The following MYO1D variants were observed in gnomAD, a reference collection of about 807,000 sequenced individuals.
MYO1D encodes the protein unconventional myosin-Id.
In MYO1D, 83 loss-of-function variants were observed where a neutral mutation model predicts 122.0. The observed-to-expected ratio is 0.68, with a 90% CI of 0.57 to 0.82. The LOEUF (loss-of-function observed/expected upper bound fraction) is 0.82, where lower values mean the gene tolerates loss of function less well. MYO1D is among the 40% of genes least tolerant of loss of function. The probability of loss-of-function intolerance (pLI) is 0.00; values close to 1 mark genes in which losing one functional copy is unlikely to be tolerated. For synonymous variants in MYO1D, 464 were observed against 446.9 expected (o/e 1.04, Z -0.48); for missense variants, 1,157 against 1,269.5 (o/e 0.91, Z 1.35).
In MYO1D at chr17:32,761,668, A is replaced by G. The variant is rs2090003393; in HGVS notation, c.1036-1041T>C. On this transcript the variant is annotated intron_variant, in intron 8 of 21. Transcript: ENST00000318217. ...CAAATATAATATGACTCCCAAAAGT[A>G]TTATCCAAATCCAGACTCAGAGAAC... is the stretch of plus-strand genomic sequence containing the variant. Among the ~76,000 whole-genome samples the G allele has an allele frequency of 2.6e-5, 4 of 152,110 alleles. No homozygotes were observed. The South Asian group carries it at 8.3e-4, about 32-fold the overall frequency.
Position 32,597,868 on chromosome 17 carries a change from CAAA to C in MYO1D, c.2864+7216_2864+7218del, listed in dbSNP as rs755415435. On this transcript the variant is annotated intron_variant, in intron 21 of 21. Transcript: ENST00000318217. Reference sequence around the variant, plus strand: ...TGGGTGACAGAGCAAAACCCTGTCTCAAAAAAAAAAAAAAAAAAAAAAAAGAAA... The same window carrying C: ...TGGGTGACAGAGCAAAACCCTGTCTCAAAAAAAAAAAAAAAAAAAAAGAAA... Among the ~76,000 whole-genome samples the C allele has an allele frequency of 9.6e-4, 60 of 62,712 alleles. 1 individual carries two copies. The highest frequency in any genetic ancestry group is 3.3e-3 in the African/African-American group (56 of 17,006). The allele number at this position is 62,712 out of a possible 152,430, so 41.1% of individuals were successfully genotyped here. A position where few individuals can be genotyped will look rare whatever the true frequency, so the allele number is the denominator to read the frequency against.
At chr17:32,678,964 G>A (rs1466319391) in intron 16 of MYO1D, among the ~76,000 whole-genome samples, 15 of 149,338 alleles carry the variant, frequency 1.0e-4, no homozygotes, top group East Asian at 3.9e-4. Context: ...ACTGGTGTGA[G>A]ATGGCATCTC....
chr17:32,681,065 G>A (rs966830815), intron 16 of MYO1D, among the ~76,000 whole-genome samples: 1 of 152,060 alleles, frequency 6.6e-6, no homozygotes, highest in Non-Finnish European at 1.5e-5. Context: ...TTCTCTGATG[G>A]TAGTTTGCAT....
At chr17:32,638,940 A>G in intron 19 of MYO1D, 105 bp from the exon 20 acceptor site, 1 of 727,018 alleles carries the variant, frequency 1.4e-6, no homozygotes, top group South Asian at 1.6e-5. Flanking sequence ...ATGTATGGCC[A>G]CTCTACTGGA....
intron 21 of MYO1D, among the ~76,000 whole-genome samples, chr17:32,501,850 A>G (rs930456696): frequency 6.6e-6 from 1 of 152,210 alleles, no homozygotes; most frequent in Non-Finnish European, 1.5e-5. Flanking sequence ...GAACCCAAAG[A>G]GGAGGTCCTG....
intron 21 of MYO1D, among the ~76,000 whole-genome samples, chr17:32,527,984 G>A (rs1220765646): frequency 2.6e-5 from 4 of 152,004 alleles, no homozygotes; most frequent in East Asian, 1.9e-4. Flanking sequence ...AATTACAGGC[G>A]CCCGCCACCA....
intron 1 of MYO1D, among the ~76,000 whole-genome samples, chr17:32,788,565 T>C (rs970598425): frequency 4.6e-5 from 7 of 152,204 alleles, no homozygotes; most frequent in African/African-American, 1.7e-4. Context: ...CAGTTGGCTG[T>C]ACTCGACTTT....
intron 16 of MYO1D, among the ~76,000 whole-genome samples, chr17:32,708,140 G>A (rs1274648844): frequency 6.6e-6 from 1 of 152,194 alleles, no homozygotes; most frequent in Non-Finnish European, 1.5e-5. Context: ...CATAGGGGGT[G>A]AGAAGAAATG....
chr17:32,805,165 G>A lies in MYO1D; in HGVS notation c.96-24381C>T, dbSNP rs538484734. ...ACAGCAAAAAGGCACCAGCTATGACGAATGGATCCCAACAGACACCAAATC... is the reference window on the plus strand; with the variant it reads ...ACAGCAAAAAGGCACCAGCTATGACAAATGGATCCCAACAGACACCAAATC... On this transcript the variant is annotated intron_variant, in intron 1 of 21. Coordinates refer to ENST00000318217, the MANE Select transcript of MYO1D (RefSeq NM_015194.3). Among the ~76,000 whole-genome samples the A allele has an allele frequency of 4.6e-5, 7 of 152,208 alleles. No homozygotes were observed. The East Asian group carries it at 5.8e-4, about 13-fold the overall frequency.
At chr17:32,636,094 TG>T (rs934338543) in intron 20 of MYO1D, among the ~76,000 whole-genome samples, 1 of 152,212 alleles carries the variant, frequency 6.6e-6, no homozygotes, top group African/African-American at 2.4e-5. Context: ...TGGATGTTTT[TG>T]AATAATCCAC....
intron 20 of MYO1D, among the ~76,000 whole-genome samples, chr17:32,606,845 G>A (rs1417667546): frequency 2.0e-5 from 3 of 152,314 alleles, no homozygotes; most frequent in South Asian, 2.1e-4. Flanking sequence ...GCCCTAGCCA[G>A]TGCAGTAAGG....
chr17:32,613,711 T>C (rs747386827), intron 20 of MYO1D, among the ~76,000 whole-genome samples: 1 of 140,038 alleles, frequency 7.1e-6, no homozygotes, highest in Non-Finnish European at 1.5e-5. Flanking sequence ...AAGGCAGAGA[T>C]TGCAGTGAGC....
At chr17:32,543,879 G>A (rs1483026952) in intron 21 of MYO1D, among the ~76,000 whole-genome samples, 4 of 151,910 alleles carry the variant, frequency 2.6e-5, no homozygotes, top group South Asian at 2.1e-4. Flanking sequence ...TGCAACCTCC[G>A]CCTCCCAGGC....
chr17:32,728,750 T>C (rs11080187), intron 14 of MYO1D, among the ~76,000 whole-genome samples: 3,860 of 152,266 alleles, frequency 0.025, 132 homozygotes, highest in East Asian at 0.19. Flanking sequence ...GAATAATGTA[T>C]AAAATCATGT....
intron 21 of MYO1D, among the ~76,000 whole-genome samples, chr17:32,553,621 CTT>C (rs892715436): frequency 6.6e-6 from 1 of 152,172 alleles, no homozygotes; most frequent in Non-Finnish European, 1.5e-5. Context: ...CCTTGAAACT[CTT>C]TTTCTCTCGG....
intron 1 of MYO1D, among the ~76,000 whole-genome samples, chr17:32,797,470 G>A (rs374682684): frequency 5.3e-5 from 8 of 152,192 alleles, no homozygotes; most frequent in African/African-American, 1.7e-4. Context: ...AGTTATCTTC[G>A]GTCAACCATG....
In MYO1D at chr17:32,494,830, G is replaced by A. The variant is rs1054325489; in HGVS notation, c.2950C>T (p.Arg984Trp). Residue 984 changes from arginine to tryptophan, a missense_variant, in exon 22 of 22, where the codon CGG becomes TGG. Coordinates refer to ENST00000318217, the MANE Select transcript of MYO1D (RefSeq NM_015194.3). ...AAGTCGGGCTGGGGCTGGTTGAGCC[G>A]CGTCTCCACGGAGACGGTGCACTTC... is the stretch of plus-strand genomic sequence containing the variant. The part of the protein sequence containing the change: ...GKKCTVSVET[R>W]LNQPQPDFTK... 2.2e-4 allele frequency: 347 copies of A among 1,613,790 alleles called. No individual in the cohort carries two copies. Among genetic ancestry groups the A allele is most frequent in the Non-Finnish European group, 2.6e-4 (310 of 1,179,912 alleles).
At chr17:32,706,865 T>C (rs1241853466) in intron 16 of MYO1D, among the ~76,000 whole-genome samples, 1 of 152,016 alleles carries the variant, frequency 6.6e-6, no homozygotes, top group East Asian at 1.9e-4. Context: ...CCTGGCTAAT[T>C]TTTTGTATTT....
chr17:32,605,126 A>G lies in MYO1D; in HGVS notation c.2825T>C (p.Ile942Thr). The G allele has an allele frequency of 6.2e-7, 1 of 1,605,198 alleles. No individual in the cohort carries two copies. Among genetic ancestry groups the G allele is most frequent in the Non-Finnish European group, 8.5e-7 (1 of 1,173,290 alleles). Residue 942 changes from isoleucine to threonine, a missense_variant, in exon 21 of 22, where the codon ATT (isoleucine) becomes ACT (threonine). Physicochemically the swap from Ile to Thr is moderately conservative, Grantham distance 89. Transcript: ENST00000318217. Reference sequence around the variant, plus strand: ...CACCAGCACTCCAACAAGTTCTCCAATTCGACTCTCATGGGTTGGCTGTTT... The same window carrying G: ...CACCAGCACTCCAACAAGTTCTCCAGTTCGACTCTCATGGGTTGGCTGTTT... ...FSKQPTHESR[I>T]GELVGVLVNH...
Sources: allele counts gnomAD v4.1 joint callset (sites outside exome capture counted in the v4.1 genomes callset), GRCh38; gene constraint gnomAD v4.1.1; transcripts MANE v1.5; gene names NCBI Gene and HGNC (gene_info 2026-07-23, HGNC 2026-07-21).